Variants in BCORL1 observed in about 807,000 individuals in gnomAD.
BCORL1 encodes BCL6 corepressor like 1.
BCORL1 carries 7 observed loss-of-function variants against 87.6 expected under a neutral mutation model. The observed-to-expected ratio is 0.08, with a 90% CI of 0.05 to 0.15. The LOEUF is 0.15. BCORL1 is among the 10% of genes least tolerant of loss of function. BCORL1 has a pLI of 1.00. For missense variants in BCORL1, 1,215 were observed against 1,499.7 expected (o/e 0.81, Z 3.13); for synonymous variants, 591 against 634.4 (o/e 0.93, Z 1.03).
At chrX:130,041,534 A>T (rs1003075016) in intron 11 of BCORL1, among the ~76,000 whole-genome samples, 3 of 111,979 alleles carry the variant, frequency 2.7e-5, no homozygotes, top group Non-Finnish European at 5.6e-5. Flanking sequence ...GGGTTTTGCC[A>T]TGTTGGCCAG....
Position 130,039,289 on chromosome X carries a change from A to G in BCORL1, c.4840+7A>G. 8.3e-7 allele frequency: 1 copy of G among 1,207,945 alleles called. No individual in the cohort carries two copies. The highest frequency in any genetic ancestry group is 1.1e-6 in the Non-Finnish European group (1 of 895,257). ...ATGAAGCGCTTTCTCAGTGGTAAGC[A>G]TGGTCCAGACTTGACACTGTTGTCC... On this transcript the variant is annotated splice_region_variant and intron_variant, in intron 11 of 13. Transcript: ENST00000540052.
chrX:130,025,160 C>A lies in BCORL1; in HGVS notation c.3859C>A (p.Leu1287Met). 8.2e-7 allele frequency: 1 copy of A among 1,212,206 alleles called. No homozygotes were observed. Residue 1287 changes from leucine to methionine, a missense_variant, in exon 7 of 14, where the codon CTG becomes ATG. Coordinates refer to ENST00000540052, the MANE Select transcript of BCORL1 (RefSeq NM_001379451.1). Reference protein sequence around the residue: ...YRSHHAQDKSLLSQGRRHLWR... With the variant: ...YRSHHAQDKSMLSQGRRHLWR... The stretch of plus-strand genomic sequence containing the variant: ...CAGCCACCATGCCCAGGACAAGTCT[C>A]TGCTGAGCCAGGGCCGAAGGCACCT...
At chrX:130,009,892 C>T (rs771829940) in intron 2 of BCORL1, among the ~76,000 whole-genome samples, 28 of 111,594 alleles carry the variant, frequency 2.5e-4, no homozygotes, top group Admixed American at 4.8e-4. Context: ...CAGCTCTTCC[C>T]GGGCCCCCTC....
chrX:130,006,462 G>A (rs1197420131), intron 2 of BCORL1, among the ~76,000 whole-genome samples: 1 of 107,462 alleles, frequency 9.3e-6, no homozygotes, highest in Non-Finnish European at 1.9e-5. Flanking sequence ...CCGGGTTCAC[G>A]CCATTCTCCT....
At chrX:130,016,671 G>A (rs1305938326) in intron 4 of BCORL1, among the ~76,000 whole-genome samples, 1 of 112,037 alleles carries the variant, frequency 8.9e-6, no homozygotes, top group Non-Finnish European at 1.9e-5. Context: ...TGGTTGGGGG[G>A]CCTGCTTAGG....
chrX:130,032,982 C>T (rs1930711153), intron 8 of BCORL1, among the ~76,000 whole-genome samples: 1 of 109,163 alleles, frequency 9.2e-6, no homozygotes. Context: ...AGGCTAATCT[C>T]GAACTCCTGA....
chrX:130,003,376 T>TC (rs1556039831), intron 1 of BCORL1, among the ~76,000 whole-genome samples: 146 of 99,036 alleles, frequency 1.5e-3, no homozygotes, highest in African/African-American at 5.5e-3. Context: ...TTCTTCTTCT[T>TC]TTTTTTTTTT....
intron 1 of BCORL1, among the ~76,000 whole-genome samples, chrX:129,990,229 AT>A (rs946146112): frequency 9.1e-6 from 1 of 110,050 alleles, no homozygotes; most frequent in Non-Finnish European, 1.9e-5. Context: ...TTATATATAT[AT>A]TTTTTTCTTT....
At chrX:130,042,699 T>C (rs1436782839) in intron 11 of BCORL1, among the ~76,000 whole-genome samples, 3 of 111,525 alleles carry the variant, frequency 2.7e-5, no homozygotes, top group African/African-American at 9.8e-5. Flanking sequence ...GGGCCAGGCG[T>C]GGTGGCTCAC....
intron 8 of BCORL1, among the ~76,000 whole-genome samples, chrX:130,031,659 C>T (rs747023922): frequency 3.6e-5 from 4 of 111,631 alleles, no homozygotes; most frequent in Non-Finnish European, 7.5e-5. Flanking sequence ...TGGCACCTGC[C>T]TTTAGTTCCA....
intron 1 of BCORL1, among the ~76,000 whole-genome samples, chrX:129,983,177 C>A (rs1327880372): frequency 1.8e-5 from 2 of 109,703 alleles, no homozygotes; most frequent in Non-Finnish European, 3.8e-5. Context: ...TCTCGACCCC[C>A]TTCTCTCTTA....
intron 6 of BCORL1, among the ~76,000 whole-genome samples, chrX:130,024,579 C>T: frequency 1.8e-5 from 2 of 111,166 alleles, no homozygotes; most frequent in Non-Finnish European, 3.8e-5. Context: ...CCTGATTTCC[C>T]AGGGACCCGT....
rs768240005 is a variant in BCORL1 at position 130,025,289 on chromosome X, A to G, written c.3988A>G (p.Lys1330Glu). 1 of 1,206,378 alleles carries G rather than the reference A, an allele frequency of 8.3e-7. No individual in the cohort carries two copies. The highest frequency in any genetic ancestry group is 1.8e-5 in the South Asian group (1 of 56,075). ...AGAGGAGGAGGGCCTGCTGAAGAGG[A>G]AGAAACGAAGACGGCAGAAGAGCCG... ...EEEEEGLLKR[K>E]KRRRQKSRKY... Residue 1330 changes from lysine to glutamate, a missense_variant, in exon 7 of 14, where the codon AAG (lysine) becomes GAG (glutamate). Lys to Glu is a moderately conservative substitution (Grantham distance 56). Around this residue, in one of 5 missense-constraint regions of BCORL1, gnomAD observed 166 missense variants for 196.5 expected, o/e 0.84. Transcript: ENST00000540052.
Position 130,056,171 on chromosome X carries a change from C to T in BCORL1, c.*35C>T, listed in dbSNP as rs769506007. 2 of 1,114,286 alleles carry T rather than the reference C, an allele frequency of 1.8e-6. No homozygotes were observed. Among genetic ancestry groups the T allele is most frequent in the Non-Finnish European group, 2.4e-6 (2 of 844,711 alleles). 91.8% of individuals were successfully genotyped at this position (1,114,286 alleles called of 1,213,427 possible). ...CAGCCCCTCCTCTTCTTTCTCCTTC[C>T]GAGTTCGCCCTTCCCCCACCTCCTT... On this transcript the variant is annotated 3_prime_UTR_variant, in exon 14 of 14. Coordinates refer to ENST00000540052, the MANE Select transcript of BCORL1 (RefSeq NM_001379451.1).
At chrX:129,987,683 G>A (rs1305347982) in intron 1 of BCORL1, among the ~76,000 whole-genome samples, 3 of 111,562 alleles carry the variant, frequency 2.7e-5, no homozygotes, top group Non-Finnish European at 5.6e-5. Context: ...TGACATGAGA[G>A]CCTGTGGGCC....
At chrX:130,033,725 G>A in intron 8 of BCORL1, among the ~76,000 whole-genome samples, 1 of 112,211 alleles carries the variant, frequency 8.9e-6, no homozygotes, top group East Asian at 2.8e-4. Context: ...GCTCATGCCT[G>A]TAATCCCAGC....
At chrX:129,997,044 T>G (rs1462752796) in intron 1 of BCORL1, among the ~76,000 whole-genome samples, 1 of 111,550 alleles carries the variant, frequency 9.0e-6, no homozygotes, top group Non-Finnish European at 1.9e-5. Context: ...ATGACAACCA[T>G]GCTTTTGCTT....
chrX:130,056,363 G>A lies in BCORL1; in HGVS notation c.*227G>A. ...CATTGTTATCGTGGTTGCTGATGGG[G>A]GTGGAAAGTTGAACTCCATGTCTGA... On this transcript the variant is annotated 3_prime_UTR_variant, in exon 14 of 14. Transcript: ENST00000540052. 5.5e-6 allele frequency: 2 copies of A among 364,578 alleles called. No individual in the cohort carries two copies. Among genetic ancestry groups the A allele is most frequent in the Non-Finnish European group, 9.2e-6 (2 of 218,446 alleles). 30.0% of individuals were successfully genotyped at this position (364,578 alleles called of 1,213,427 possible). A position where few individuals can be genotyped will look rare whatever the true frequency, so the allele number is the denominator to read the frequency against.
At chrX:130,001,980 G>A (rs975096226) in intron 1 of BCORL1, among the ~76,000 whole-genome samples, 1 of 110,754 alleles carries the variant, frequency 9.0e-6, no homozygotes, top group African/African-American at 3.3e-5. Context: ...GCTGATGAGG[G>A]CCTGCACCAG....
Sources: allele counts gnomAD v4.1 joint callset (sites outside exome capture counted in the v4.1 genomes callset), GRCh38; gene constraint gnomAD v4.1.1; regional missense constraint gnomAD v4.1.1; transcripts MANE v1.5; gene names NCBI Gene and HGNC (gene_info 2026-07-23, HGNC 2026-07-21).